ZFYVE26: variants seen among roughly 807,000 people sequenced by gnomAD.
ZFYVE26 encodes zinc finger FYVE-type containing 26.
In ZFYVE26, 181 loss-of-function variants were observed where a neutral mutation model predicts 276.5. The ratio of observed to expected loss-of-function variants is 0.65; its 90% CI spans 0.58 to 0.74. ZFYVE26 has a LOEUF of 0.74. Ranked by LOEUF, ZFYVE26 falls within the 30% of genes least tolerant of loss-of-function variation. The pLI is 0.00. For missense variants in ZFYVE26, 2,821 were observed against 3,097.9 expected (o/e 0.91, Z 2.12); for synonymous variants, 1,129 against 1,203.1 (o/e 0.94, Z 1.27).
chr14:67,809,050 T>TA (rs2040239785), intron 4 of ZFYVE26, 150 bp downstream of exon 4: 6 of 734,940 alleles, frequency 8.2e-6, no homozygotes, highest in African/African-American at 1.7e-5. Context: ...ACCCTAACTC[T>TA]AAACTCTCCT....
At chr14:67,809,406 CTCTTTTTTTTTT>C (rs2040248167) in intron 3 of ZFYVE26, 117 bp from the exon 4 acceptor site, 2 of 238,178 alleles carry the variant, frequency 8.4e-6, no homozygotes, top group Non-Finnish European at 6.8e-6. Context: ...AGATGAAGCA[CTCTTTTTTTTTT>C]TTTTTTTTTT....
intron 32 of ZFYVE26, among the ~76,000 whole-genome samples, chr14:67,765,769 T>C (rs1418595192): frequency 6.6e-6 from 1 of 152,212 alleles, no homozygotes; most frequent in African/African-American, 2.4e-5. Flanking sequence ...CCAGAGTGCT[T>C]TTTAAAATCT....
rs117789097 is a variant in ZFYVE26, at chr14:67,735,189, G to A, written n.2680-5370C>T. The stretch of plus-strand genomic sequence containing the variant: ...ATATTAAGCCACAGTCGTTCCCCTT[G>A]TTCAGATTCCAGACTCCATCATTTC... On this transcript the variant is annotated intron_variant and non_coding_transcript_variant, in intron 13 of 14. Transcript: ENST00000394455. The A allele has an allele frequency of 3.7e-3, 5,061 of 1,381,066 alleles. 239 individuals carry two copies. In the East Asian group the frequency reaches 0.091, roughly 25 times the overall value. The allele number at this position is 1,381,066 out of a possible 1,614,324, so 85.6% of individuals were successfully genotyped here.
intron 2 of ZFYVE26, chr14:67,815,385 C>T (rs930071908): frequency 9.6e-5 from 26 of 271,934 alleles, no homozygotes; most frequent in South Asian, 2.1e-4. Context: ...GCAATTATTT[C>T]GAAATAAAAA....
At position 67,783,018 on chromosome 14, in the gene ZFYVE26, T is replaced by A; in HGVS notation, c.4134A>T (p.Arg1378=). ...GACTCTGCCCCTGCTGCAAAGACCC[T>A]CGCAGGGGCTCCCAGGCAGCCAGGA... ...AFLLAAWEPL[R]GSLQQGQSLA... Residue 1378 remains arginine, a synonymous_variant, in exon 21 of 42, where the codon CGA becomes CGT. Coordinates refer to ENST00000347230, the MANE Select transcript of ZFYVE26 (RefSeq NM_015346.4). 1 of 1,614,100 alleles carries A rather than the reference T, an allele frequency of 6.2e-7. No individual in the cohort carries two copies. Among genetic ancestry groups the A allele is most frequent in the East Asian group, 2.2e-5 (1 of 44,874 alleles).
chr14:67,739,461 T>G (rs192425475), intron 13 of ZFYVE26, among the ~76,000 whole-genome samples: 6 of 152,352 alleles, frequency 3.9e-5, no homozygotes, highest in Admixed American at 3.3e-4. Flanking sequence ...TATCGTATTA[T>G]GTTGAACCCT....
intron 31 of ZFYVE26, among the ~76,000 whole-genome samples, chr14:67,767,273 A>G (rs2039084046): frequency 6.6e-6 from 1 of 152,160 alleles, no homozygotes; most frequent in African/African-American, 2.4e-5. Flanking sequence ...TTTCAAGCCT[A>G]CCTTTTATGA....
chr14:67,805,722 AT>A, intron 6 of ZFYVE26, 104 bp from the exon 7 acceptor site: 1 of 1,354,814 alleles, frequency 7.4e-7, no homozygotes, highest in Non-Finnish European at 1.0e-6. Flanking sequence ...CAGCAGGGAG[AT>A]TTCTGACAAT....
intron 27 of ZFYVE26, among the ~76,000 whole-genome samples, chr14:67,772,504 C>G (rs148940953): frequency 1.3e-5 from 2 of 152,136 alleles, no homozygotes; most frequent in African/African-American, 2.4e-5. Flanking sequence ...GGGATGAAGA[C>G]GCAGATTGCC....
intron 14 of ZFYVE26, 136 bp downstream of exon 14, chr14:67,793,472 G>A: frequency 1.0e-6 from 1 of 975,412 alleles, no homozygotes; most frequent in Non-Finnish European, 1.6e-6. Context: ...TGGGCACATG[G>A]AAACCCCCTC....
chr14:67,799,077 T>G, intron 10 of ZFYVE26: 1 of 1,200,940 alleles, frequency 8.3e-7, no homozygotes, highest in South Asian at 1.2e-5. Flanking sequence ...CAGGGAACAG[T>G]GGACGAGGAC....
intron 12 of ZFYVE26, chr14:67,796,096 A>T (rs1469621360): frequency 6.6e-6 from 1 of 152,180 alleles, no homozygotes; most frequent in Non-Finnish European, 1.5e-5. Context: ...GGATGGGGAG[A>T]GGGTGATTAA....
At chr14:67,783,645 C>G (rs767701529) in intron 20 of ZFYVE26, 120 bp from the exon 21 acceptor site, 2 of 1,344,900 alleles carry the variant, frequency 1.5e-6, no homozygotes, top group Non-Finnish European at 1.0e-6. Context: ...TTGTCACACT[C>G]TTTTTTTAAA....
intron 13 of ZFYVE26, among the ~76,000 whole-genome samples, chr14:67,739,885 G>T (rs2038395206): frequency 6.6e-6 from 1 of 152,152 alleles, no homozygotes; most frequent in Non-Finnish European, 1.5e-5. Flanking sequence ...TGCTCTGATA[G>T]GAGGAGATTA....
At position 67,816,532 on chromosome 14, in the gene ZFYVE26, A is replaced by T. The variant is rs914145404; in HGVS notation, c.-84+2T>A. 1 of 152,682 alleles carries T rather than the reference A, an allele frequency of 6.5e-6. No individual in the cohort carries two copies. The highest frequency in any genetic ancestry group is 1.5e-5 in the Non-Finnish European group (1 of 68,488). 9.5% of individuals were successfully genotyped at this position (152,682 alleles called of 1,614,324 possible). On this transcript the variant is annotated splice_donor_variant, in intron 1 of 41. Transcript: ENST00000347230. LOFTEE classifies it low-confidence loss of function (5UTR_SPLICE). ...TCCCTCTCAGGGGTGTCTTACACTC[A>T]CCTGCTCCCGGCGCCCAAAGCAATA...
At position 67,785,155 on chromosome 14, in the gene ZFYVE26, G is replaced by A; in HGVS notation, c.3427C>T (p.Pro1143Ser). The A allele has an allele frequency of 6.2e-7, 1 of 1,614,222 alleles. No individual in the cohort carries two copies. The highest frequency in any genetic ancestry group is 2.2e-5 in the East Asian group (1 of 44,884). The change falls in exon 19 of 42, where the codon CCA (proline) becomes TCA (serine). Residue 1143 changes from proline to serine, a missense_variant. Physicochemically the swap from Pro to Ser is moderately conservative, Grantham distance 74 (BLOSUM62 -1). Transcript: ENST00000347230. ...LLQKNLGKQTPSGSRQMDYLG... is the reference protein window; with the variant it reads ...LLQKNLGKQTSSGSRQMDYLG... ...TAGTCCATCTGCCTGCTGCCTGATGGGGTCTGTTTGCCCAGGTTCTTCTGG... is the reference window on the plus strand; with the variant it reads ...TAGTCCATCTGCCTGCTGCCTGATGAGGTCTGTTTGCCCAGGTTCTTCTGG...
Position 67,782,894 on chromosome 14 carries a change from A to T in ZFYVE26, c.4258T>A (p.Ser1420Thr). Residue 1420 changes from serine (S) to threonine (T), a missense_variant, in exon 21 of 42, where the codon TCC becomes ACC. Coordinates refer to ENST00000347230, the MANE Select transcript of ZFYVE26 (RefSeq NM_015346.4). Reference sequence around the variant, plus strand: ...CGGGACCAATCTCTGGCCACCAAGGATTCCTCAAAAGCCTCACTCAGTACA... The same window carrying T: ...CGGGACCAATCTCTGGCCACCAAGGTTTCCTCAAAAGCCTCACTCAGTACA... ...LDVLSEAFEE[S>T]LVARDWSRAL... 6.2e-7 allele frequency: 1 copy of T among 1,614,174 alleles called. No homozygotes were observed. The highest frequency in any genetic ancestry group is 8.5e-7 in the Non-Finnish European group (1 of 1,180,024).
rs772640288 is a variant in ZFYVE26 at position 67,783,527 on chromosome 14, T to G, written c.3627-2A>C. The G allele has an allele frequency of 1.2e-6, 2 of 1,612,120 alleles. No individual in the cohort carries two copies. Among genetic ancestry groups the G allele is most frequent in the Non-Finnish European group, 1.7e-6 (2 of 1,179,994 alleles). On this transcript the variant is annotated splice_acceptor_variant, in intron 20 of 41. Transcript: ENST00000347230. LOFTEE classifies it high-confidence loss of function. ...TCTTGGGCCAGAAGGGCTGCCAGTCTGGAAGGAGAGAAGCAGAAAGCATAC... is the reference window on the plus strand; with the variant it reads ...TCTTGGGCCAGAAGGGCTGCCAGTCGGGAAGGAGAGAAGCAGAAAGCATAC...
Position 67,815,958 on chromosome 14 carries a change from A to T in ZFYVE26, c.6T>A (p.Asn2Lys), listed in dbSNP as rs150603522. 3.5e-4 allele frequency: 565 copies of T among 1,610,880 alleles called. No homozygotes were observed. Among genetic ancestry groups the T allele is most frequent in the Non-Finnish European group, 4.7e-4 (555 of 1,178,988 alleles). ...CAGCTTCCTCTTTTCCAAATGGATG[A>T]TTCATTTTCCCAGCACAGAGTGCAG... M[N>K]HPFGKEEAAS... is the part of the protein sequence containing the mutation. Residue 2 changes from asparagine (N) to lysine (K), a missense_variant, in exon 2 of 42, where the codon AAT becomes AAA. Physicochemically the swap from Asn to Lys is moderately conservative, Grantham distance 94 (BLOSUM62 0). Coordinates refer to ENST00000347230, the MANE Select transcript of ZFYVE26 (RefSeq NM_015346.4).
Sources: allele counts gnomAD v4.1 joint callset (sites outside exome capture counted in the v4.1 genomes callset), GRCh38; gene constraint gnomAD v4.1.1; transcripts MANE v1.5; gene names NCBI Gene and HGNC (gene_info 2026-07-23, HGNC 2026-07-21).